The following HPSE2 variants were observed in gnomAD, a reference collection of about 807,000 sequenced individuals.
HPSE2 encodes the protein heparanase 2 (inactive), also known as inactive heparanase-2.
A neutral mutation model predicts 60.5 loss-of-function variants in HPSE2; 38 were observed. That is an observed-to-expected ratio of 0.63 (90% CI 0.48 to 0.82). The LOEUF is 0.82. Ranked by LOEUF, HPSE2 falls within the 40% of genes least tolerant of loss-of-function variation. HPSE2 has a pLI of 0.00. For synonymous variants in HPSE2, 295 were observed against 293.2 expected (o/e 1.01, Z -0.06); for missense variants, 713 against 740.4 (o/e 0.96, Z 0.43).
chr10:98,851,665 C>T (rs1952177112), intron 3 of HPSE2, among the ~76,000 whole-genome samples: 1 of 152,164 alleles, frequency 6.6e-6, no homozygotes, highest in Non-Finnish European at 1.5e-5. Context: ...ACACATATTT[C>T]TCTTAAAATC....
At chr10:98,661,663 T>C (rs1483777315) in intron 6 of HPSE2, among the ~76,000 whole-genome samples, 2 of 152,234 alleles carry the variant, frequency 1.3e-5, no homozygotes, top group Non-Finnish European at 2.9e-5. Flanking sequence ...CTTTTTAATC[T>C]GAATTAGTAT....
intron 3 of HPSE2, among the ~76,000 whole-genome samples, chr10:99,016,629 C>T (rs545459021): frequency 6.6e-6 from 1 of 152,240 alleles, no homozygotes; most frequent in East Asian, 1.9e-4. Context: ...GCAATATGGC[C>T]ATTTTAACCA....
the HPSE2 span, among the ~76,000 whole-genome samples, chr10:99,242,801 G>A: frequency 6.6e-6 from 1 of 152,028 alleles, no homozygotes; most frequent in Non-Finnish European, 1.5e-5. Context: ...TATAAAACAG[G>A]CATAAGATTA....
At chr10:98,899,519 T>A (rs1953599890) in intron 3 of HPSE2, among the ~76,000 whole-genome samples, 1 of 152,096 alleles carries the variant, frequency 6.6e-6, no homozygotes, top group African/African-American at 2.4e-5. Context: ...GAACCTATAC[T>A]TCACCAAAGG....
chr10:98,731,785 G>C (rs1338813159), intron 4 of HPSE2, among the ~76,000 whole-genome samples: 1 of 152,082 alleles, frequency 6.6e-6, no homozygotes, highest in African/African-American at 2.4e-5. Context: ...GTGCAGTCAG[G>C]CAAGGGAGAG....
At chr10:99,230,127 G>C (rs187145151) in intron 2 of HPSE2, among the ~76,000 whole-genome samples, 1 of 152,274 alleles carries the variant, frequency 6.6e-6, no homozygotes, top group East Asian at 1.9e-4. Context: ...AAGGAGTTCG[G>C]CTAGGAGCAA....
chr10:99,217,461 AACTC>A (rs1443969229), intron 2 of HPSE2, among the ~76,000 whole-genome samples: 1 of 152,144 alleles, frequency 6.6e-6, no homozygotes, highest in African/African-American at 2.4e-5. Context: ...TTGGCAAATC[AACTC>A]ACTCAGAGAT....
chr10:98,539,423 A>G (rs1444359748), intron 9 of HPSE2, among the ~76,000 whole-genome samples: 2 of 152,144 alleles, frequency 1.3e-5, no homozygotes, highest in African/African-American at 4.8e-5. Context: ...TGAGAGGCTG[A>G]GGCAGGAGAA....
At chr10:98,847,739 A>G (rs1952067883) in intron 3 of HPSE2, among the ~76,000 whole-genome samples, 2 of 152,196 alleles carry the variant, frequency 1.3e-5, no homozygotes, top group Non-Finnish European at 2.9e-5. Context: ...TCTGCAGACC[A>G]GTTTATGACA....
intron 3 of HPSE2, among the ~76,000 whole-genome samples, chr10:98,860,945 C>T (rs999655695): frequency 6.6e-6 from 1 of 152,110 alleles, no homozygotes; most frequent in Non-Finnish European, 1.5e-5. Context: ...GAATTTTAAG[C>T]TCATTCAGGG....
intron 9 of HPSE2, among the ~76,000 whole-genome samples, chr10:98,558,572 G>A (rs1347180742): frequency 6.6e-6 from 1 of 152,086 alleles, no homozygotes; most frequent in Non-Finnish European, 1.5e-5. Context: ...CACATCATTT[G>A]CAGTCAGGAT....
intron 2 of HPSE2, among the ~76,000 whole-genome samples, chr10:99,185,872 G>T (rs1311024372): frequency 1.3e-5 from 2 of 151,840 alleles, no homozygotes; most frequent in African/African-American, 2.4e-5. Flanking sequence ...AGAGAAGATA[G>T]ATCAATAGAA....
intron 3 of HPSE2, among the ~76,000 whole-genome samples, chr10:99,052,518 T>C (rs893985754): frequency 1.3e-5 from 2 of 150,390 alleles, no homozygotes; most frequent in East Asian, 3.9e-4. Flanking sequence ...AAAAAATGGA[T>C]GAAAACTTCC....
chr10:98,714,483 T>C (rs771434298), intron 5 of HPSE2, among the ~76,000 whole-genome samples: 25 of 151,940 alleles, frequency 1.6e-4, no homozygotes, highest in Non-Finnish European at 2.9e-4. Flanking sequence ...ACTGGCTTCC[T>C]TCAGTGACCA....
At chr10:98,535,090 T>C (rs930242767) in intron 9 of HPSE2, among the ~76,000 whole-genome samples, 1 of 152,234 alleles carries the variant, frequency 6.6e-6, no homozygotes, top group Non-Finnish European at 1.5e-5. Context: ...CTTCATACTA[T>C]ATTTTTACTA....
chr10:98,714,702 T>C (rs1427884453), intron 5 of HPSE2, among the ~76,000 whole-genome samples: 5 of 151,912 alleles, frequency 3.3e-5, no homozygotes, highest in African/African-American at 1.2e-4. Flanking sequence ...TTATTTCTCT[T>C]AGGAAGTGCT....
At chr10:99,148,068 T>C (rs903380140) in intron 2 of HPSE2, among the ~76,000 whole-genome samples, 13 of 152,224 alleles carry the variant, frequency 8.5e-5, no homozygotes, top group African/African-American at 2.9e-4. Context: ...AGTGCTATGA[T>C]ATTGCTGCCA....
intron 3 of HPSE2, among the ~76,000 whole-genome samples, chr10:99,050,048 C>G (rs1957953659): frequency 6.6e-6 from 1 of 152,146 alleles, no homozygotes; most frequent in African/African-American, 2.4e-5. Context: ...CCTATAATTC[C>G]AGCACTTTGG....
intron 3 of HPSE2, among the ~76,000 whole-genome samples, chr10:99,017,247 T>C (rs1957163984): frequency 1.3e-5 from 2 of 152,190 alleles, no homozygotes; most frequent in Non-Finnish European, 2.9e-5. Context: ...GGATGTTGAA[T>C]TGTATGGAAA....
Sources: allele counts gnomAD v4.1 joint callset (sites outside exome capture counted in the v4.1 genomes callset), GRCh38; gene constraint gnomAD v4.1.1; transcripts MANE v1.5; gene names NCBI Gene and HGNC (gene_info 2026-07-23, HGNC 2026-07-21).